FBH1: variants seen among roughly 807,000 people sequenced by gnomAD.
FBH1 encodes DNA 3'-5' helicase 1.
A neutral mutation model predicts 115.5 loss-of-function variants in FBH1; 43 were observed. The observed-to-expected ratio is 0.37, with a 90% CI of 0.29 to 0.48. The LOEUF is 0.48. Ranked by LOEUF, FBH1 falls within the 20% of genes least tolerant of loss-of-function variation. The probability of loss-of-function intolerance (pLI) is 0.99; values close to 1 mark genes in which losing one functional copy is unlikely to be tolerated. For synonymous variants in FBH1, 524 were observed against 507.8 expected (o/e 1.03, Z -0.43); for missense variants, 1,001 against 1,337.3 (o/e 0.75, Z 3.92).
Position 5,895,327 on chromosome 10 carries a change from G to A in FBH1, c.1+4981G>A. The A allele has an allele frequency of 1.3e-6, 1 of 758,748 alleles. No individual in the cohort carries two copies. The highest frequency in any genetic ancestry group is 3.5e-5 in the South Asian group (1 of 28,768). 47.0% of individuals were successfully genotyped at this position (758,748 alleles called of 1,614,324 possible). A position where few individuals can be genotyped will look rare whatever the true frequency, so the allele number is the denominator to read the frequency against. On this transcript the variant is annotated intron_variant, in intron 1 of 20. Coordinates refer to ENST00000362091, the MANE Select transcript of FBH1 (RefSeq NM_178150.3). The surrounding 1 kb of genome is among the most constrained non-coding windows in gnomAD (Gnocchi z 5.0). Reference sequence around the variant, plus strand: ...TTCTCCAGTCAGGTACCTTGTACTAGCGAGTCAACTTGATTTTTTTTTGAA... The same window carrying A: ...TTCTCCAGTCAGGTACCTTGTACTAACGAGTCAACTTGATTTTTTTTTGAA...
intron 3 of FBH1, among the ~76,000 whole-genome samples, chr10:5,907,423 C>G (rs1025207959): frequency 3.4e-5 from 5 of 147,242 alleles, no homozygotes; most frequent in African/African-American, 1.3e-4. Flanking sequence ...TTTGTGATTT[C>G]TTCTTTGACC....
At chr10:5,894,393 C>G in intron 1 of FBH1, 1 of 1,594,238 alleles carries the variant, frequency 6.3e-7, no homozygotes, top group South Asian at 1.1e-5. Context: ...AAGCTGCTTT[C>G]AAGGTGTCTA....
At chr10:5,908,055 T>A (rs1218361277) in intron 3 of FBH1, among the ~76,000 whole-genome samples, 1 of 152,206 alleles carries the variant, frequency 6.6e-6, no homozygotes, top group Non-Finnish European at 1.5e-5. Context: ...AGATCCTCTG[T>A]TTTCCTTATT....
chr10:5,909,269 T>A lies in FBH1; in HGVS notation c.995T>A (p.Leu332His). The part of the protein sequence containing the change: ...PEAEACVRQH[L>H]PDLYAAAGGV... ...GCTGAGGCGTGTGTGCGGCAACACC[T>A]CCCCGACCTCTACGCTGCTGCCGGG... Residue 332 changes from leucine (L) to histidine (H), a missense_variant, in exon 5 of 21, where the codon CTC becomes CAC. Physicochemically the swap from Leu to His is moderately conservative, Grantham distance 99. Coordinates refer to ENST00000362091, the MANE Select transcript of FBH1 (RefSeq NM_178150.3). The surrounding 1 kb of genome is among the most constrained non-coding windows in gnomAD (Gnocchi z 4.4). 1 of 1,611,468 alleles carries A rather than the reference T, an allele frequency of 6.2e-7. No individual in the cohort carries two copies.
chr10:5,929,279 A>G (rs568837942), intron 19 of FBH1: 1 of 152,354 alleles, frequency 6.6e-6, no homozygotes, highest in African/African-American at 2.4e-5. Context: ...TAAATACTCT[A>G]CATGACACAT....
rs762032684 is a variant in FBH1 at position 5,924,396 on chromosome 10, C to T, written c.2484C>T (p.Ala828=). Reference sequence around the variant, plus strand: ...GCTTCAAGAGGTATGTGACCGCTGCCGAGGACAAGGAGCTTGAAGCCAAGA... The same window carrying T: ...GCTTCAAGAGGTATGTGACCGCTGCTGAGGACAAGGAGCTTGAAGCCAAGA... ...FSGFKRYVTA[A]EDKELEAKIA... is the part of the protein sequence containing the mutation. The change falls in exon 17 of 21, where the codon GCC becomes GCT. Residue 828 remains alanine, a synonymous_variant. Coordinates refer to ENST00000362091, the MANE Select transcript of FBH1 (RefSeq NM_178150.3). This position sits in a 1 kb window ranked among gnomAD's most constrained non-coding sequence, Gnocchi z 6.2. 49 of 1,613,984 alleles carry T rather than the reference C, an allele frequency of 3.0e-5. No homozygotes were observed. In the East Asian group the frequency reaches 8.0e-4, roughly 26 times the overall value.
chr10:5,924,224 T>C lies in FBH1; in HGVS notation c.2399-87T>C, dbSNP rs1461824894. On this transcript the variant is annotated intron_variant, in intron 16 of 20. Transcript: ENST00000362091. This position sits in a 1 kb window ranked among gnomAD's most constrained non-coding sequence, Gnocchi z 6.2. ...TCCCCACTTTAAGACCATCTGCTCT[T>C]GCGCAGCTGCTTAGGAACGTGCAGC... 6 of 1,343,718 alleles carry C rather than the reference T, an allele frequency of 4.5e-6. No homozygotes were observed. The highest frequency in any genetic ancestry group is 1.2e-5 in the South Asian group (1 of 81,194). 83.2% of individuals were successfully genotyped at this position (1,343,718 alleles called of 1,614,324 possible).
chr10:5,924,290 T>C lies in FBH1; in HGVS notation c.2399-21T>C, dbSNP rs770265592. 4 of 1,612,776 alleles carry C rather than the reference T, an allele frequency of 2.5e-6. No individual in the cohort carries two copies. Among genetic ancestry groups the C allele is most frequent in the Non-Finnish European group, 3.4e-6 (4 of 1,178,958 alleles). ...TTAGTGGAGCTTGTGTCACCTTAAT[T>C]TGTGTGTATATTCTTCTTAGAAAAC... On this transcript the variant is annotated intron_variant, in intron 16 of 20. Transcript: ENST00000362091. The surrounding 1 kb of genome is among the most constrained non-coding windows in gnomAD (Gnocchi z 6.2).
In FBH1 at chr10:5,909,279, C is replaced by T; in HGVS notation, c.1005C>T (p.Leu335=). Residue 335 remains leucine, a synonymous_variant, in exon 5 of 21, where the codon CTC becomes CTT. Transcript: ENST00000362091. The surrounding 1 kb of genome is among the most constrained non-coding windows in gnomAD (Gnocchi z 4.4). The stretch of plus-strand genomic sequence containing the variant: ...GTGTGCGGCAACACCTCCCCGACCT[C>T]TACGCTGCTGCCGGGGTAGGTCTGG... ...EACVRQHLPD[L]YAAAGGVNIW... 1 of 1,610,602 alleles carries T rather than the reference C, an allele frequency of 6.2e-7. No homozygotes were observed. The highest frequency in any genetic ancestry group is 8.5e-7 in the Non-Finnish European group (1 of 1,179,956).
At chr10:5,898,838 C>G (rs1843164536) in intron 1 of FBH1, among the ~76,000 whole-genome samples, 1 of 152,214 alleles carries the variant, frequency 6.6e-6, no homozygotes, top group Non-Finnish European at 1.5e-5. Flanking sequence ...TACAGAGTTA[C>G]AGCAGTGAAC....
At chr10:5,901,745 A>G (rs983143479) in intron 1 of FBH1, among the ~76,000 whole-genome samples, 3 of 151,324 alleles carry the variant, frequency 2.0e-5, no homozygotes. Context: ...TTATATTTTT[A>G]GTAGAGATGG....
Position 5,936,926 on chromosome 10 carries a change from G to A in FBH1, c.2962-184G>A, listed in dbSNP as rs1274463885. ...TTCTGAGCTCAGGGAATTTGGGGGT[G>A]TTGAGGCCACCTAGTTGGTGGTGCT... On this transcript the variant is annotated intron_variant, in intron 20 of 20. Transcript: ENST00000362091. This position sits in a 1 kb window ranked among gnomAD's most constrained non-coding sequence, Gnocchi z 5.6. 25 of 675,298 alleles carry A rather than the reference G, an allele frequency of 3.7e-5. No homozygotes were observed. Among genetic ancestry groups the A allele is most frequent in the Non-Finnish European group, 5.4e-5 (22 of 405,872 alleles). The allele number at this position is 675,298 out of a possible 1,614,324, so 41.8% of individuals were successfully genotyped here.
At position 5,923,229 on chromosome 10, in the gene FBH1, C is replaced by T. The variant is rs1329526706; in HGVS notation, c.2323-392C>T. On this transcript the variant is annotated intron_variant, in intron 15 of 20. Transcript: ENST00000362091. The surrounding 1 kb of genome is among the most constrained non-coding windows in gnomAD (Gnocchi z 5.7). ...AACAGTGGTAAATGTGCATACCCAG[C>T]ACTTTGTATTCAGGTGCCATTTGTG... Among the ~76,000 whole-genome samples the T allele has an allele frequency of 6.6e-6, 1 of 152,192 alleles. No individual in the cohort carries two copies. The highest frequency in any genetic ancestry group is 1.5e-5 in the Non-Finnish European group (1 of 68,044).
Position 5,921,847 on chromosome 10 carries a change from C to T in FBH1, c.2322+278C>T, listed in dbSNP as rs746746195. 6.6e-6 allele frequency among the ~76,000 whole-genome samples: 1 copy of T among 152,102 alleles called. No individual in the cohort carries two copies. The highest frequency in any genetic ancestry group is 1.5e-5 in the Non-Finnish European group (1 of 68,040). On this transcript the variant is annotated intron_variant, in intron 15 of 20. Coordinates refer to ENST00000362091, the MANE Select transcript of FBH1 (RefSeq NM_178150.3). The surrounding 1 kb of genome is among the most constrained non-coding windows in gnomAD (Gnocchi z 6.4). ...CTTCCCTTGGCAATGCCAGTGAGGCCGCGGGTTACTGGAAGCTTTTCTAGT... is the reference window on the plus strand; with the variant it reads ...CTTCCCTTGGCAATGCCAGTGAGGCTGCGGGTTACTGGAAGCTTTTCTAGT...
intron 3 of FBH1, among the ~76,000 whole-genome samples, chr10:5,908,012 T>G (rs1843820679): frequency 1.3e-5 from 2 of 152,226 alleles, no homozygotes; most frequent in African/African-American, 4.8e-5. Flanking sequence ...TCTGTATATG[T>G]TCGTTCAGCC....
At position 5,923,604 on chromosome 10, in the gene FBH1, C is replaced by A; in HGVS notation, c.2323-17C>A. ...AAACAACAAAAAAACAAAAATCCCACCAAAAAACTTTTTCAGGGGATTAAA... is the reference window on the plus strand; with the variant it reads ...AAACAACAAAAAAACAAAAATCCCAACAAAAAACTTTTTCAGGGGATTAAA... On this transcript the variant is annotated splice_polypyrimidine_tract_variant and intron_variant, in intron 15 of 20. Transcript: ENST00000362091. The surrounding 1 kb of genome is among the most constrained non-coding windows in gnomAD (Gnocchi z 5.7). 6.2e-7 allele frequency: 1 copy of A among 1,602,270 alleles called. No homozygotes were observed. The highest frequency in any genetic ancestry group is 8.5e-7 in the Non-Finnish European group (1 of 1,175,844).
In FBH1 at chr10:5,895,095, A is replaced by G; in HGVS notation, c.1+4749A>G. The G allele has an allele frequency of 6.2e-7, 1 of 1,613,960 alleles. No individual in the cohort carries two copies. The highest frequency in any genetic ancestry group is 8.5e-7 in the Non-Finnish European group (1 of 1,179,906). ...TGTCAAGTGCCTGAGTCATGTGATA[A>G]TGGGCTACATTGCGCAGGGCCCCTG... On this transcript the variant is annotated intron_variant, in intron 1 of 20. Transcript: ENST00000362091. The surrounding 1 kb of genome is among the most constrained non-coding windows in gnomAD (Gnocchi z 5.0).
At position 5,917,475 on chromosome 10, in the gene FBH1, G is replaced by A. The variant is rs754935013; in HGVS notation, c.1844G>A (p.Cys615Tyr). 1.9e-6 allele frequency: 3 copies of A among 1,614,220 alleles called. No individual in the cohort carries two copies. The highest frequency in any genetic ancestry group is 2.7e-5 in the African/African-American group (2 of 75,062). Residue 615 changes from cysteine to tyrosine, a missense_variant, in exon 11 of 21, where the codon TGC becomes TAC. This residue lies in a region of FBH1 where 521 missense variants were observed against 811.0 expected (regional missense o/e 0.64). Transcript: ENST00000362091. The surrounding 1 kb of genome is among the most constrained non-coding windows in gnomAD (Gnocchi z 5.6). The stretch of plus-strand genomic sequence containing the variant: ...GATAACATGCGGAAGCTGGGGGAGT[G>A]CACAGAAGAGGCGCACCAGATGACT... ...LWDNMRKLGE[C>Y]TEEAHQMTHD...
intron 1 of FBH1, among the ~76,000 whole-genome samples, chr10:5,891,293 G>A (rs1842710518): frequency 6.6e-6 from 1 of 152,200 alleles, no homozygotes; most frequent in South Asian, 2.1e-4. Context: ...GATGTGGATA[G>A]CCTCTGGAGA....
Sources: allele counts gnomAD v4.1 joint callset (sites outside exome capture counted in the v4.1 genomes callset), GRCh38; gene constraint gnomAD v4.1.1; regional missense constraint gnomAD v4.1.1; non-coding constraint Gnocchi (gnomAD v3.1); transcripts MANE v1.5; gene names NCBI Gene and HGNC (gene_info 2026-07-23, HGNC 2026-07-21).